CHD6: variants seen among roughly 807,000 people sequenced by gnomAD.
The protein encoded by CHD6 is chromodomain helicase DNA binding protein 6, also known as ATP-dependent chromatin remodeler CHD6.
Under a neutral mutation model 276.9 loss-of-function variants are expected in CHD6, and 50 were observed. The observed-to-expected ratio is 0.18, with a 90% CI of 0.14 to 0.23. The LOEUF is 0.23. Ranked by LOEUF, CHD6 falls within the 10% of genes least tolerant of loss-of-function variation. The pLI, the probability that CHD6 is intolerant of heterozygous loss-of-function variation, is 1.00. For synonymous variants in CHD6, 1,173 were observed against 1,229.3 expected, an observed-to-expected ratio of 0.95 and a Z score of 0.96; for missense variants, 2,564 against 3,365.8, an observed-to-expected ratio of 0.76 and a Z score of 5.89.
At chr20:41,464,865 A>G (rs552201301) in intron 17 of CHD6, among the ~76,000 whole-genome samples, 1 of 152,366 alleles carries the variant, frequency 6.6e-6, no homozygotes, top group Non-Finnish European at 1.5e-5. Context: ...GAAGCACTCA[A>G]AAAACAATGG....
At chr20:41,617,404 G>A (rs2045943511) in intron 1 of CHD6, among the ~76,000 whole-genome samples, 1 of 152,058 alleles carries the variant, frequency 6.6e-6, no homozygotes, top group Non-Finnish European at 1.5e-5. Flanking sequence ...GCCTGCTTAT[G>A]CATTTTTAAT....
Position 41,488,429 on chromosome 20 carries a change from A to C in CHD6, c.1856T>G (p.Leu619Arg). The C allele has an allele frequency of 6.2e-7, 1 of 1,608,954 alleles. No individual in the cohort carries two copies. Among genetic ancestry groups the C allele is most frequent in the Non-Finnish European group, 8.5e-7 (1 of 1,178,408 alleles). ...KLLEGLKLMALEHKVLLTGTP... is the reference protein window; with the variant it reads ...KLLEGLKLMAREHKVLLTGTP... Reference sequence around the variant, plus strand: ...ATGTAAAGAGATGCTAACTCTCACCAGGGCCATAAGCTTTAGACCCTCCAG... The same window carrying C: ...ATGTAAAGAGATGCTAACTCTCACCCGGGCCATAAGCTTTAGACCCTCCAG... The change falls in exon 13 of 37, where the codon CTG becomes CGG. Residue 619 changes from leucine to arginine, a missense_variant and splice_region_variant. Physicochemically the swap from Leu to Arg is moderately radical, Grantham distance 102. Coordinates refer to ENST00000373233, the MANE Select transcript of CHD6 (RefSeq NM_032221.5).
chr20:41,549,918 C>T (rs1191679513), intron 2 of CHD6, among the ~76,000 whole-genome samples: 1 of 152,196 alleles, frequency 6.6e-6, no homozygotes, highest in African/African-American at 2.4e-5. Flanking sequence ...CCTGCCTCAG[C>T]CTCCTGAGTA....
chr20:41,476,526 C>T lies in CHD6; in HGVS notation c.2469-3009G>A, dbSNP rs187745425. ...AGAAAACCAAAAAAGCAAAACAAAA[C>T]AAAACCAACACCAAAAACCATTCAC... On this transcript the variant is annotated intron_variant, in intron 16 of 36. Transcript: ENST00000373233. 3.7e-4 allele frequency among the ~76,000 whole-genome samples: 56 copies of T among 152,104 alleles called. No homozygotes were observed. In the East Asian group the frequency reaches 0.01, roughly 28 times the overall value.
chr20:41,483,217 G>T, intron 16 of CHD6, 92 bp downstream of exon 16: 1 of 1,139,964 alleles, frequency 8.8e-7, no homozygotes, highest in Non-Finnish European at 1.2e-6. Context: ...TGAATGTTTT[G>T]TGTTTAAACA....
chr20:41,468,352 T>C (rs1600936020), intron 17 of CHD6, among the ~76,000 whole-genome samples: 5 of 152,052 alleles, frequency 3.3e-5, no homozygotes. Context: ...TCAGGTGATC[T>C]GCCCGCCTCG....
intron 1 of CHD6, among the ~76,000 whole-genome samples, chr20:41,562,312 A>C (rs1283930807): frequency 6.6e-6 from 1 of 152,110 alleles, no homozygotes. Flanking sequence ...ACAAATGGTT[A>C]CTCTTTTCTT....
chr20:41,528,590 T>C (rs2044602743), intron 3 of CHD6, among the ~76,000 whole-genome samples: 1 of 152,172 alleles, frequency 6.6e-6, no homozygotes, highest in Non-Finnish European at 1.5e-5. Flanking sequence ...AAAAATAATT[T>C]AGAGAATTAA....
At chr20:41,449,785 A>G (rs2048180667) in intron 23 of CHD6, among the ~76,000 whole-genome samples, 2 of 152,228 alleles carry the variant, frequency 1.3e-5, no homozygotes, top group Admixed American at 6.5e-5. Context: ...ATACATGTGT[A>G]TTCAGCATCT....
intron 27 of CHD6, among the ~76,000 whole-genome samples, chr20:41,430,289 T>G (rs1453520095): frequency 6.6e-6 from 1 of 152,270 alleles, no homozygotes; most frequent in African/African-American, 2.4e-5. Flanking sequence ...ATCATAAATG[T>G]GTTAATTTTG....
chr20:41,437,397 T>C, intron 26 of CHD6, 63 bp from the exon 27 acceptor site: 1 of 1,200,392 alleles, frequency 8.3e-7, no homozygotes. Flanking sequence ...CAGTTTCAGT[T>C]ACCCTGGTCA....
rs1222130500 is a variant in CHD6, at chr20:41,404,918, G to A, written c.7823C>T (p.Ala2608Val). The A allele has an allele frequency of 2.5e-6, 4 of 1,614,036 alleles. No homozygotes were observed. The highest frequency in any genetic ancestry group is 3.4e-6 in the Non-Finnish European group (4 of 1,180,006). Residue 2608 changes from alanine to valine, a missense_variant, in exon 37 of 37, where the codon GCT becomes GTT. Physicochemically the swap from Ala to Val is moderately conservative, Grantham distance 64 (BLOSUM62 0). Transcript: ENST00000373233. ...TCCTGGGATGAGAAATGGGTTAAAA[G>A]CCACAGGACTACTAGTAGTTATTGC... The part of the protein sequence containing the change: ...EPAITTSSPV[A>V]FNPFLIPGVS...
chr20:41,498,924 G>A (rs1371856296), intron 6 of CHD6, among the ~76,000 whole-genome samples: 1 of 151,728 alleles, frequency 6.6e-6, no homozygotes, highest in Non-Finnish European at 1.5e-5. Context: ...AACCTCCGAT[G>A]TTGGCCTCTC....
chr20:41,610,605 C>T (rs1040056943), intron 1 of CHD6, among the ~76,000 whole-genome samples: 4 of 152,030 alleles, frequency 2.6e-5, no homozygotes, highest in Non-Finnish European at 5.9e-5. Context: ...ACTAAAAATA[C>T]AAAAAATTAG....
intron 2 of CHD6, among the ~76,000 whole-genome samples, chr20:41,544,538 T>A (rs74687933): frequency 0.038 from 5,791 of 152,186 alleles, 131 homozygotes; most frequent in Middle Eastern, 0.071. Context: ...TAAAATTTTG[T>A]GTCTGTCTCA....
At chr20:41,605,260 G>A (rs965406617) in intron 1 of CHD6, among the ~76,000 whole-genome samples, 5 of 152,024 alleles carry the variant, frequency 3.3e-5, no homozygotes, top group Non-Finnish European at 5.9e-5. Context: ...CCTGTCTGTA[G>A]GTTTGATACT....
intron 1 of CHD6, among the ~76,000 whole-genome samples, chr20:41,555,401 G>A (rs1201237083): frequency 1.9e-4 from 28 of 148,994 alleles, no homozygotes; most frequent in Admixed American, 4.7e-4. Context: ...GCGGCTGGCC[G>A]GGCAGGGGGC....
chr20:41,559,665 C>T (rs573106709), intron 1 of CHD6, among the ~76,000 whole-genome samples: 2 of 152,202 alleles, frequency 1.3e-5, no homozygotes, highest in South Asian at 4.1e-4. Flanking sequence ...CTGTCAATAC[C>T]AGAAAGGCTC....
intron 1 of CHD6, among the ~76,000 whole-genome samples, chr20:41,552,660 G>C (rs2045163961): frequency 6.6e-6 from 1 of 152,156 alleles, no homozygotes. Flanking sequence ...CGCAATTACA[G>C]TTTATCATTT....
Sources: gnomAD v4.1 joint callset for allele counts (sites outside exome capture counted in the v4.1 genomes callset) on GRCh38, gnomAD v4.1.1 for gene constraint, MANE v1.5 for transcripts, NCBI Gene and HGNC (gene_info 2026-07-23, HGNC 2026-07-21) for gene names.